The following ERBB4 variants were observed in gnomAD, a reference collection of about 807,000 sequenced individuals.
ERBB4 encodes the protein receptor tyrosine-protein kinase erbB-4.
A neutral mutation model predicts 158.0 loss-of-function variants in ERBB4; 42 were observed. The observed-to-expected ratio is 0.27, with a 90% CI of 0.21 to 0.34. The LOEUF (loss-of-function observed/expected upper bound fraction) is 0.34. Ranked by LOEUF, ERBB4 falls within the 10% of genes least tolerant of loss-of-function variation. The probability of loss-of-function intolerance (pLI) is 1.00; values close to 1 mark genes in which losing one functional copy is unlikely to be tolerated. For missense variants in ERBB4, 1,333 were observed against 1,624.1 expected (o/e 0.82, Z 3.08); for synonymous variants, 583 against 558.7 (o/e 1.04, Z -0.61).
chr2:212,275,235 G>C (rs62182623), intron 1 of ERBB4, among the ~76,000 whole-genome samples: 20,764 of 151,838 alleles, frequency 0.14, 1,999 homozygotes, highest in Non-Finnish European at 0.2. Flanking sequence ...ATAAACATAC[G>C]TGTGTATGTC....
intron 3 of ERBB4, among the ~76,000 whole-genome samples, chr2:211,913,100 G>T (rs2079580693): frequency 6.6e-6 from 1 of 152,098 alleles, no homozygotes; most frequent in Non-Finnish European, 1.5e-5. Flanking sequence ...CATCTGTACA[G>T]GTTAAATAAA....
At chr2:211,524,496 C>A (rs1443632843) in intron 20 of ERBB4, among the ~76,000 whole-genome samples, 1 of 151,542 alleles carries the variant, frequency 6.6e-6, no homozygotes, top group Non-Finnish European at 1.5e-5. Flanking sequence ...TCAGGCATGG[C>A]GGGCTGCAGG....
At chr2:212,037,234 G>C (rs979028714) in intron 2 of ERBB4, among the ~76,000 whole-genome samples, 1 of 152,174 alleles carries the variant, frequency 6.6e-6, no homozygotes. Flanking sequence ...TGTAGAAGGG[G>C]AAGTTGGCAC....
In ERBB4 at chr2:212,336,131, A is replaced by G. The variant is rs118173824; in HGVS notation, c.82+202318T>C. ...AATGTTCCACAGGAAAAAAAATTAA[A>G]TTAGCATTAAATTCGTGTTTTACCA... On this transcript the variant is annotated intron_variant, in intron 1 of 27. Coordinates refer to ENST00000342788, the MANE Select transcript of ERBB4 (RefSeq NM_005235.3). Among the ~76,000 whole-genome samples the G allele has an allele frequency of 5.5e-4, 84 of 152,132 alleles. No homozygotes were observed. The East Asian group carries it at 0.016, about 28-fold the overall frequency.
chr2:212,111,988 T>A (rs1333178465), intron 2 of ERBB4, among the ~76,000 whole-genome samples: 1 of 152,220 alleles, frequency 6.6e-6, no homozygotes, highest in African/African-American at 2.4e-5. Context: ...TGGCAGTCAG[T>A]AAACATCTGC....
rs1373742197 is a variant in ERBB4, at chr2:211,498,700, C to T, written c.2487+63203G>A. ...AAACTCCTCAGCAGGAAACTAAAAA[C>T]GGGGTCATTCCTACAATAATCCTTT... On this transcript the variant is annotated intron_variant, in intron 20 of 27. Transcript: ENST00000342788. 4.6e-5 allele frequency among the ~76,000 whole-genome samples: 7 copies of T among 152,040 alleles called. No individual in the cohort carries two copies. In the East Asian group the frequency reaches 7.7e-4, roughly 17 times the overall value.
intron 1 of ERBB4, among the ~76,000 whole-genome samples, chr2:212,313,553 C>T (rs1292082468): frequency 1.3e-5 from 2 of 150,624 alleles, no homozygotes; most frequent in Admixed American, 6.6e-5. Context: ...AATATGTATA[C>T]TTTGATATTA....
At chr2:212,454,193 C>A (rs887436281) in intron 1 of ERBB4, among the ~76,000 whole-genome samples, 37 of 152,162 alleles carry the variant, frequency 2.4e-4, no homozygotes, top group Non-Finnish European at 5.4e-4. Context: ...CCCGCCTCGG[C>A]CTCCCAAAGT....
intron 20 of ERBB4, among the ~76,000 whole-genome samples, chr2:211,557,046 A>C (rs2067253981): frequency 6.6e-6 from 1 of 152,200 alleles, no homozygotes; most frequent in South Asian, 2.1e-4. Context: ...GGCTGTAATA[A>C]CAACTGCCTA....
chr2:211,672,313 A>C (rs1380254907), intron 14 of ERBB4, among the ~76,000 whole-genome samples: 2 of 152,172 alleles, frequency 1.3e-5, no homozygotes, highest in Non-Finnish European at 2.9e-5. Flanking sequence ...AACACAGATA[A>C]ACTGGAAATT....
chr2:212,490,134 C>T (rs1256440615), intron 1 of ERBB4, among the ~76,000 whole-genome samples: 3 of 151,826 alleles, frequency 2.0e-5, no homozygotes, highest in Admixed American at 6.6e-5. Context: ...GTAAAGGTTT[C>T]TCTTTCTTGT....
intron 20 of ERBB4, among the ~76,000 whole-genome samples, chr2:211,471,183 G>T (rs1371265279): frequency 1.3e-5 from 2 of 152,050 alleles, no homozygotes; most frequent in African/African-American, 4.8e-5. Context: ...GAGACAATGA[G>T]GCTGAGAGGG....
intron 1 of ERBB4, among the ~76,000 whole-genome samples, chr2:212,350,061 C>T (rs1000016135): frequency 5.9e-5 from 9 of 151,862 alleles, no homozygotes; most frequent in Admixed American, 4.6e-4. Context: ...AAATTAACCT[C>T]TTTTTTTTCT....
intron 8 of ERBB4, among the ~76,000 whole-genome samples, chr2:211,712,788 T>G (rs1364902935): frequency 6.7e-6 from 1 of 149,432 alleles, no homozygotes; most frequent in African/African-American, 2.5e-5. Context: ...TGGGGGGGGA[T>G]GTATAGAGAA....
intron 1 of ERBB4, among the ~76,000 whole-genome samples, chr2:212,129,317 C>T (rs1406554881): frequency 6.6e-6 from 1 of 151,436 alleles, no homozygotes; most frequent in Non-Finnish European, 1.5e-5. Context: ...TATATAGAAG[C>T]TTAAACAACC....
chr2:211,422,886 A>G, intron 23 of ERBB4, among the ~76,000 whole-genome samples: 1 of 151,990 alleles, frequency 6.6e-6, no homozygotes, highest in Middle Eastern at 3.4e-3. Flanking sequence ...TAAGACATGC[A>G]TGTTTTTAAA....
At chr2:211,528,593 A>G (rs75305025) in intron 20 of ERBB4, among the ~76,000 whole-genome samples, 2,334 of 152,200 alleles carry the variant, frequency 0.015, 62 homozygotes, top group African/African-American at 0.053. Flanking sequence ...TCCTAAGGAT[A>G]GATCATATGT....
chr2:211,833,584 G>GA (rs2077272689), intron 3 of ERBB4, among the ~76,000 whole-genome samples: 1 of 151,972 alleles, frequency 6.6e-6, no homozygotes, highest in African/African-American at 2.4e-5. Context: ...GGGATGGATA[G>GA]AAAAAATAGG....
intron 5 of ERBB4, among the ~76,000 whole-genome samples, chr2:211,743,872 G>A (rs2074876055): frequency 6.6e-6 from 1 of 152,114 alleles, no homozygotes; most frequent in African/African-American, 2.4e-5. Flanking sequence ...CCAATCATAA[G>A]TTCTATTTTG....
Sources: allele counts gnomAD v4.1 joint callset (sites outside exome capture counted in the v4.1 genomes callset), GRCh38; gene constraint gnomAD v4.1.1; transcripts MANE v1.5; gene names NCBI Gene and HGNC (gene_info 2026-07-23, HGNC 2026-07-21).